SLC66A2: variants seen among roughly 807,000 people sequenced by gnomAD.
The protein encoded by SLC66A2 is PQ loop repeat containing 1.
A neutral mutation model predicts 25.5 loss-of-function variants in SLC66A2; 23 were observed. The ratio of observed to expected loss-of-function variants is 0.90; its 90% confidence interval spans 0.65 to 1.28. The LOEUF (loss-of-function observed/expected upper bound fraction) is 1.28, where lower values mean the gene tolerates loss of function less well. Ranked by LOEUF, SLC66A2 falls within the 50% of genes most tolerant of loss-of-function variation. SLC66A2 has a pLI of 0.00. For synonymous variants in SLC66A2, 193 were observed against 166.5 expected, an observed-to-expected ratio of 1.16 and a Z score of -1.23; for missense variants, 396 against 373.1, an observed-to-expected ratio of 1.06 and a Z score of -0.51.
intron 4 of SLC66A2, among the ~76,000 whole-genome samples, chr18:79,923,671 T>G (rs1985565891): frequency 6.6e-6 from 1 of 152,064 alleles, no homozygotes; most frequent in Admixed American, 6.5e-5. Flanking sequence ...TTCAAGACAT[T>G]GGATTTGTCA....
chr18:79,937,517 T>C lies in SLC66A2; in HGVS notation c.338-3495A>G, dbSNP rs571503535. On this transcript the variant is annotated intron_variant, in intron 3 of 5. Transcript: ENST00000397778. This position sits in a 1 kb window ranked among gnomAD's most constrained non-coding sequence, Gnocchi z 5.4. ...AGAGACCCGCATTTCCTTTATAAAT[T>C]ACACCTGTGGATAGCTGAACAATGG... 1.3e-5 allele frequency among the ~76,000 whole-genome samples: 2 copies of C among 152,240 alleles called. No homozygotes were observed. Among genetic ancestry groups the C allele is most frequent in the African/African-American group, 4.8e-5 (2 of 41,544 alleles).
intron 2 of SLC66A2, among the ~76,000 whole-genome samples, chr18:79,945,404 C>G (rs1018689558): frequency 1.3e-5 from 2 of 152,058 alleles, no homozygotes. Context: ...TGCATCTCAC[C>G]CAGGTCAGCA....
At chr18:79,920,656 CA>C (rs1233558778) in intron 4 of SLC66A2, among the ~76,000 whole-genome samples, 1 of 2,598 alleles carries the variant, frequency 3.8e-4, no homozygotes, top group African/African-American at 4.2e-4. Flanking sequence ...TGAGGAGAGA[CA>C]GGAACCGAGG....
intron 4 of SLC66A2, among the ~76,000 whole-genome samples, chr18:79,923,399 C>T (rs971507297): frequency 9.2e-5 from 14 of 151,912 alleles, no homozygotes; most frequent in Non-Finnish European, 1.8e-4. Context: ...CGGTGGGCTG[C>T]GGACACAGGA....
At position 79,903,753 on chromosome 18, in the gene SLC66A2, G is replaced by A. The variant is rs138688104; in HGVS notation, c.*223C>T. On this transcript the variant is annotated 3_prime_UTR_variant, in exon 6 of 6. Coordinates refer to ENST00000397778, the MANE Select transcript of SLC66A2 (RefSeq NM_025078.5). ...CATCCTAAAAACATCCAAAACCCTC[G>A]GGGCCAGATCAACCCTGGCTGTCCC... 273 of 527,068 alleles carry A rather than the reference G, an allele frequency of 5.2e-4. 4 individuals are homozygous for A. The East Asian group carries it at 8.3e-3, about 16-fold the overall frequency. 32.6% of individuals were successfully genotyped at this position (527,068 alleles called of 1,614,324 possible).
At chr18:79,907,383 G>T (rs1217129182) in intron 5 of SLC66A2, among the ~76,000 whole-genome samples, 1 of 112,456 alleles carries the variant, frequency 8.9e-6, no homozygotes, top group African/African-American at 3.4e-5. Context: ...AAGGAGTCTC[G>T]CTCTGTCACC....
At position 79,918,418 on chromosome 18, in the gene SLC66A2, C is replaced by CA. The variant is rs1453837371; in HGVS notation, c.608+765_608+766insT. Among the ~76,000 whole-genome samples the CA allele has an allele frequency of 4.5e-3, 372 of 82,598 alleles. 2 individuals are homozygous for CA. Among genetic ancestry groups the CA allele is most frequent in the African/African-American group, 0.011 (349 of 33,088 alleles). The allele number at this position is 82,598 out of a possible 152,430, so 54.2% of individuals were successfully genotyped here. ...GGGCGGATCCCCAGTGAGGAGCGGG[C>CA]CCGGGGGGGGGTCCCCAGTGAGGAG... On this transcript the variant is annotated intron_variant, in intron 5 of 5. Transcript: ENST00000397778. This position sits in a 1 kb window ranked among gnomAD's most constrained non-coding sequence, Gnocchi z 4.0.
At chr18:79,929,546 A>G (rs1483067502) in intron 4 of SLC66A2, among the ~76,000 whole-genome samples, 1 of 152,234 alleles carries the variant, frequency 6.6e-6, no homozygotes, top group Non-Finnish European at 1.5e-5. Flanking sequence ...TTATACAAAG[A>G]AACAGAAAAG....
intron 4 of SLC66A2, among the ~76,000 whole-genome samples, chr18:79,928,021 T>C (rs999832865): frequency 1.3e-5 from 2 of 152,224 alleles, no homozygotes; most frequent in Non-Finnish European, 2.9e-5. Context: ...GCCCCTCATT[T>C]GCTCAGAGTC....
chr18:79,938,717 C>G (rs1987360385), intron 3 of SLC66A2, among the ~76,000 whole-genome samples: 1 of 152,192 alleles, frequency 6.6e-6, no homozygotes, highest in Non-Finnish European at 1.5e-5. Flanking sequence ...CACCCTGTGG[C>G]CCAGGCTGGA....
chr18:79,935,812 G>C (rs1485920452), intron 3 of SLC66A2, among the ~76,000 whole-genome samples: 1 of 152,198 alleles, frequency 6.6e-6, no homozygotes, highest in Non-Finnish European at 1.5e-5. Context: ...GAGAGAGAGA[G>C]AGAGAAAAAG....
chr18:79,930,377 G>A (rs991535581), intron 4 of SLC66A2: 5 of 151,914 alleles, frequency 3.3e-5, no homozygotes, highest in African/African-American at 1.2e-4. Flanking sequence ...TAAAAAATAA[G>A]GGGAAAACAA....
chr18:79,936,104 G>A (rs1987057823), intron 3 of SLC66A2, among the ~76,000 whole-genome samples: 1 of 152,254 alleles, frequency 6.6e-6, no homozygotes, highest in Non-Finnish European at 1.5e-5. Context: ...TTTGGTCCAT[G>A]TCACGACTGG....
At position 79,904,652 on chromosome 18, in the gene SLC66A2, A is replaced by G. The variant is rs1359243288; in HGVS notation, c.609-469T>C. ...AGGACGCAGATCTGTGCCCCCAGGC[A>G]CACAGCCAAGTGGAGCAGAGCAGCT... is the stretch of plus-strand genomic sequence containing the variant. On this transcript the variant is annotated intron_variant, in intron 5 of 5. Coordinates refer to ENST00000397778, the MANE Select transcript of SLC66A2 (RefSeq NM_025078.5). The surrounding 1 kb of genome is among the most constrained non-coding windows in gnomAD (Gnocchi z 6.3). Among the ~76,000 whole-genome samples the G allele has an allele frequency of 1.3e-5, 2 of 152,126 alleles. No homozygotes were observed. Among genetic ancestry groups the G allele is most frequent in the African/African-American group, 4.8e-5 (2 of 41,424 alleles).
At chr18:79,923,966 G>A (rs1985601039) in intron 4 of SLC66A2, among the ~76,000 whole-genome samples, 1 of 151,002 alleles carries the variant, frequency 6.6e-6, no homozygotes, top group Non-Finnish European at 1.5e-5. Context: ...GAGCCCAGGA[G>A]TTCAAGGCTG....
intron 5 of SLC66A2, among the ~76,000 whole-genome samples, chr18:79,911,041 C>G (rs1983035475): frequency 6.6e-6 from 1 of 152,250 alleles, no homozygotes; most frequent in Non-Finnish European, 1.5e-5. Flanking sequence ...ACACCACGGC[C>G]TCAGGTGGGG....
intron 5 of SLC66A2, among the ~76,000 whole-genome samples, chr18:79,910,533 T>G (rs1237730858): frequency 6.6e-6 from 1 of 152,148 alleles, no homozygotes; most frequent in African/African-American, 2.4e-5. Flanking sequence ...TCTAGTTCAC[T>G]CTCTTCTAAA....
At chr18:79,924,255 AAAGG>A (rs1327028411) in intron 4 of SLC66A2, among the ~76,000 whole-genome samples, 3 of 152,206 alleles carry the variant, frequency 2.0e-5, no homozygotes, top group Non-Finnish European at 4.4e-5. Context: ...TTAGCCACAA[AAAGG>A]AAGAAAGGGC....
intron 5 of SLC66A2, among the ~76,000 whole-genome samples, chr18:79,908,527 C>T (rs920659191): frequency 1.3e-5 from 2 of 152,206 alleles, no homozygotes; most frequent in Admixed American, 6.5e-5. Flanking sequence ...TTGGGATTCA[C>T]TGAACTTCTT....
Sources: allele counts gnomAD v4.1 joint callset (sites outside exome capture counted in the v4.1 genomes callset), GRCh38; gene constraint gnomAD v4.1.1; non-coding constraint Gnocchi (gnomAD v3.1); transcripts MANE v1.5; gene names NCBI Gene and HGNC (gene_info 2026-07-23, HGNC 2026-07-21).